CACNA2D3: variants seen among roughly 807,000 people sequenced by gnomAD.
The protein encoded by CACNA2D3 is calcium voltage-gated channel auxiliary subunit alpha2delta 3, also known as voltage-dependent calcium channel subunit alpha-2/delta-3.
A neutral mutation model predicts 160.6 loss-of-function variants in CACNA2D3; 60 were observed. That is an observed-to-expected ratio of 0.37 (90% CI 0.30 to 0.46). The LOEUF (loss-of-function observed/expected upper bound fraction) is 0.46. Ranked by LOEUF, CACNA2D3 falls within the 20% of genes least tolerant of loss-of-function variation. CACNA2D3 has a pLI of 1.00. For synonymous variants in CACNA2D3, 558 were observed against 492.9 expected (o/e 1.13, Z -1.75); for missense variants, 1,205 against 1,365.0 (o/e 0.88, Z 1.85).
chr3:54,955,254 C>T (rs1701855713), intron 27 of CACNA2D3, among the ~76,000 whole-genome samples: 1 of 152,076 alleles, frequency 6.6e-6, no homozygotes, highest in Non-Finnish European at 1.5e-5. Flanking sequence ...AGGTGAGGGG[C>T]AGAGCTGCAC....
intron 13 of CACNA2D3, among the ~76,000 whole-genome samples, chr3:54,774,629 ATTTTTTTT>A (rs111655457): frequency 3.4e-4 from 37 of 107,886 alleles, no homozygotes; most frequent in East Asian, 1.0e-3. Flanking sequence ...CTCTTTGACT[ATTTTTTTT>A]TTTTTTTTTT....
chr3:54,445,828 C>T (rs1700214400), intron 4 of CACNA2D3, among the ~76,000 whole-genome samples: 1 of 152,160 alleles, frequency 6.6e-6, no homozygotes, highest in African/African-American at 2.4e-5. Context: ...CGGTTACTTC[C>T]AGCCACTCCC....
chr3:54,371,788 G>A (rs554512032), intron 3 of CACNA2D3, among the ~76,000 whole-genome samples: 1 of 152,268 alleles, frequency 6.6e-6, no homozygotes, highest in East Asian at 1.9e-4. Flanking sequence ...AGTATCAGGA[G>A]GTTCACACTC....
At chr3:54,433,332 T>G (rs1441252181) in intron 4 of CACNA2D3, among the ~76,000 whole-genome samples, 1 of 152,208 alleles carries the variant, frequency 6.6e-6, no homozygotes, top group Non-Finnish European at 1.5e-5. Context: ...TATCTGCAGC[T>G]AAATAGACAT....
chr3:54,318,892 C>T, intron 2 of CACNA2D3, among the ~76,000 whole-genome samples: 1 of 152,116 alleles, frequency 6.6e-6, no homozygotes, highest in South Asian at 2.1e-4. Flanking sequence ...TTTGTAGAGA[C>T]TGGGTCTCAC....
intron 4 of CACNA2D3, among the ~76,000 whole-genome samples, chr3:54,454,207 G>T (rs1329306226): frequency 5.9e-5 from 9 of 152,032 alleles, no homozygotes; most frequent in East Asian, 1.9e-4. Flanking sequence ...TATTTTTTGA[G>T]GACTCAACTT....
chr3:54,196,049 G>A (rs1394648144), intron 2 of CACNA2D3, among the ~76,000 whole-genome samples: 3 of 152,188 alleles, frequency 2.0e-5, no homozygotes, highest in Admixed American at 6.5e-5. Flanking sequence ...ATCAAGATAT[G>A]CTTGTGTGGT....
chr3:54,374,196 C>T lies in CACNA2D3; in HGVS notation c.322-12519C>T, dbSNP rs369278530. Among the ~76,000 whole-genome samples the T allele has an allele frequency of 6.6e-5, 10 of 152,292 alleles. No individual in the cohort carries two copies. In the East Asian group the frequency reaches 1.4e-3, roughly 21 times the overall value. On this transcript the variant is annotated intron_variant, in intron 3 of 37. Coordinates refer to ENST00000474759, the MANE Select transcript of CACNA2D3 (RefSeq NM_018398.3). ...GAGTTGACAAATCTAGGAAGTGCTG[C>T]GGTTGCAGGAAGCCACCACCAACGA...
intron 17 of CACNA2D3, among the ~76,000 whole-genome samples, chr3:54,860,769 C>T (rs1699272883): frequency 6.6e-6 from 1 of 152,172 alleles, no homozygotes; most frequent in Non-Finnish European, 1.5e-5. Flanking sequence ...GCAGAGCAGT[C>T]TCTGAGGTCA....
intron 3 of CACNA2D3, among the ~76,000 whole-genome samples, chr3:54,363,018 A>C (rs1698769160): frequency 6.6e-6 from 1 of 152,036 alleles, no homozygotes; most frequent in African/African-American, 2.4e-5. Flanking sequence ...AACATGGTGA[A>C]ACCTCGTCTC....
chr3:54,919,957 G>A (rs536964300), intron 27 of CACNA2D3, among the ~76,000 whole-genome samples: 67 of 152,230 alleles, frequency 4.4e-4, no homozygotes, highest in African/African-American at 1.5e-3. Flanking sequence ...CAGAGGAGTG[G>A]GCAGGATGGC....
At chr3:54,822,799 CTTTCTTT>C (rs1559595686) in intron 14 of CACNA2D3, among the ~76,000 whole-genome samples, 26 of 53,238 alleles carry the variant, frequency 4.9e-4, no homozygotes, top group South Asian at 2.7e-3. Context: ...TCCTTTCTTT[CTTTCTTT>C]CTTTCTTTCT....
intron 35 of CACNA2D3, among the ~76,000 whole-genome samples, chr3:55,061,960 G>A (rs997937470): frequency 4.6e-5 from 7 of 152,166 alleles, no homozygotes; most frequent in African/African-American, 1.7e-4. Context: ...TTCTATAGAA[G>A]GTCAGACAGG....
intron 4 of CACNA2D3, among the ~76,000 whole-genome samples, chr3:54,400,172 C>T (rs936346153): frequency 2.7e-5 from 4 of 146,888 alleles, no homozygotes; most frequent in Middle Eastern, 3.5e-3. Flanking sequence ...GCACGGTGCG[C>T]ACACACACTG....
At chr3:54,666,186 GAATCTTTTAGTTTCTCAA>G (rs1424175660) in intron 11 of CACNA2D3, among the ~76,000 whole-genome samples, 7 of 152,264 alleles carry the variant, frequency 4.6e-5, no homozygotes, top group African/African-American at 1.7e-4. Context: ...GGAAACTCAA[GAATCTTTTAGTTTCTCAA>G]CAGACAACTT....
intron 17 of CACNA2D3, among the ~76,000 whole-genome samples, chr3:54,848,739 C>T (rs1017139410): frequency 6.6e-6 from 1 of 152,246 alleles, no homozygotes; most frequent in African/African-American, 2.4e-5. Flanking sequence ...CTGTGAAGCT[C>T]AACTCCTAGT....
chr3:55,068,512 A>G (rs1233075753), intron 35 of CACNA2D3, among the ~76,000 whole-genome samples: 1 of 152,138 alleles, frequency 6.6e-6, no homozygotes, highest in African/African-American at 2.4e-5. Context: ...TACCTAATAC[A>G]TCTTATAAGT....
At chr3:55,036,831 C>A (rs541497672) in intron 35 of CACNA2D3, among the ~76,000 whole-genome samples, 3 of 152,292 alleles carry the variant, frequency 2.0e-5, no homozygotes, top group East Asian at 1.9e-4. Context: ...AAAAATGATA[C>A]CATTTTTTAA....
At chr3:54,895,609 ACT>A (rs1452391919) in intron 25 of CACNA2D3, among the ~76,000 whole-genome samples, 1 of 152,060 alleles carries the variant, frequency 6.6e-6, no homozygotes, top group African/African-American at 2.4e-5. Context: ...TTGTGATCCA[ACT>A]CTCTGCTGCA....
Sources: allele counts gnomAD v4.1 joint callset (sites outside exome capture counted in the v4.1 genomes callset), GRCh38; gene constraint gnomAD v4.1.1; transcripts MANE v1.5; gene names NCBI Gene and HGNC (gene_info 2026-07-23, HGNC 2026-07-21).